Variants in DYRK1A observed in about 807,000 individuals in gnomAD.
DYRK1A encodes dual specificity tyrosine-phosphorylation-regulated kinase 1A.
Under a neutral mutation model 79.7 loss-of-function variants are expected in DYRK1A, and 9 were observed. The observed-to-expected ratio is 0.11, with a 90% CI of 0.07 to 0.20. DYRK1A has a LOEUF of 0.20. Among genes scored for constraint, DYRK1A ranks in the 10% least tolerant of loss-of-function variants. The pLI, the probability that DYRK1A is intolerant of heterozygous loss-of-function variation, is 1.00. For synonymous variants in DYRK1A, 349 were observed against 329.7 expected, an observed-to-expected ratio of 1.06 and a Z score of -0.63; for missense variants, 622 against 956.0, an observed-to-expected ratio of 0.65 and a Z score of 4.61.
intron 3 of DYRK1A, 22 bp downstream of exon 3, chr21:37,472,902 A>G: frequency 6.8e-7 from 1 of 1,478,346 alleles, no homozygotes; most frequent in Non-Finnish European, 9.1e-7. Flanking sequence ...GAGTATCAGA[A>G]ATGACTATTG....
chr21:37,391,812 C>G (rs149614903), intron 1 of DYRK1A, among the ~76,000 whole-genome samples: 1,647 of 152,330 alleles, frequency 0.011, 28 homozygotes, highest in African/African-American at 0.036. Flanking sequence ...GTGTTAGGCT[C>G]CTCTTCAGCT....
rs982187796 is a variant in DYRK1A, at chr21:37,512,798, CAG to C, written c.*268_*269del. 9.3e-6 allele frequency: 4 copies of C among 428,750 alleles called. No homozygotes were observed. The highest frequency in any genetic ancestry group is 1.7e-5 in the Non-Finnish European group (4 of 242,136). The allele number at this position is 428,750 out of a possible 1,614,324, so 26.6% of individuals were successfully genotyped here. On this transcript the variant is annotated 3_prime_UTR_variant, in exon 12 of 12. Coordinates refer to ENST00000647188, the MANE Select transcript of DYRK1A (RefSeq NM_001347721.2). ...ATTTTAACTTGCCACATCCCAGTCA[CAG>C]TGGGGTTTTTTTGTCTTTCTATTCA...
intron 1 of DYRK1A, among the ~76,000 whole-genome samples, chr21:37,391,284 G>T (rs549348350): frequency 1.3e-5 from 2 of 152,210 alleles, no homozygotes; most frequent in Non-Finnish European, 2.9e-5. Flanking sequence ...CCTCTTTCCA[G>T]GTTTGGGGAT....
At chr21:37,421,338 A>G (rs1426697395) in intron 2 of DYRK1A, among the ~76,000 whole-genome samples, 1 of 152,070 alleles carries the variant, frequency 6.6e-6, no homozygotes, top group African/African-American at 2.4e-5. Flanking sequence ...GGTTTTGTCT[A>G]GGGGAAAAAT....
chr21:37,451,843 A>T (rs1047348054), intron 2 of DYRK1A, among the ~76,000 whole-genome samples: 1 of 152,202 alleles, frequency 6.6e-6, no homozygotes, highest in African/African-American at 2.4e-5. Flanking sequence ...AGATTCTGAG[A>T]ACGTTTCTTA....
chr21:37,462,915 T>G (rs1340573626), intron 2 of DYRK1A, among the ~76,000 whole-genome samples: 2 of 152,212 alleles, frequency 1.3e-5, no homozygotes, highest in Non-Finnish European at 2.9e-5. Flanking sequence ...GTTCTTTAGT[T>G]GTTTATGATG....
chr21:37,395,796 CTG>C (rs1191320616), intron 1 of DYRK1A, among the ~76,000 whole-genome samples: 6 of 152,256 alleles, frequency 3.9e-5, no homozygotes, highest in South Asian at 2.1e-4. Flanking sequence ...AACATTTACT[CTG>C]TGAAATTTTG....
chr21:37,388,099 GA>G (rs2049796605), intron 1 of DYRK1A, among the ~76,000 whole-genome samples: 1 of 109,032 alleles, frequency 9.2e-6, no homozygotes, highest in Non-Finnish European at 1.9e-5. Flanking sequence ...TCTTCCCTTT[GA>G]TTTTTTTTTT....
chr21:37,433,044 A>AATAT (rs1555964567), intron 2 of DYRK1A, among the ~76,000 whole-genome samples: 54 of 140,518 alleles, frequency 3.8e-4, no homozygotes, highest in Middle Eastern at 3.7e-3. Context: ...AGGAATTCTA[A>AATAT]ATATATATAT....
At chr21:37,443,042 T>C (rs1356485613) in intron 2 of DYRK1A, among the ~76,000 whole-genome samples, 1 of 152,160 alleles carries the variant, frequency 6.6e-6, no homozygotes, top group South Asian at 2.1e-4. Context: ...CTCTTGGTGT[T>C]GCCCAGGCTG....
chr21:37,412,919 T>C (rs182548749), intron 1 of DYRK1A, among the ~76,000 whole-genome samples: 1 of 152,234 alleles, frequency 6.6e-6, no homozygotes, highest in Admixed American at 6.5e-5. Context: ...GTTTGAAGTA[T>C]TAGTTTGGAG....
chr21:37,469,540 G>T (rs542136735), intron 2 of DYRK1A, among the ~76,000 whole-genome samples: 1 of 152,166 alleles, frequency 6.6e-6, no homozygotes, highest in Non-Finnish European at 1.5e-5. Flanking sequence ...TTGGCTCATG[G>T]TTCTTTCTTC....
intron 1 of DYRK1A, among the ~76,000 whole-genome samples, chr21:37,395,003 T>C (rs2049935409): frequency 6.6e-6 from 1 of 152,214 alleles, no homozygotes; most frequent in African/African-American, 2.4e-5. Context: ...AAGAGAGGGA[T>C]CTCAGATTCC....
chr21:37,445,266 A>G (rs2051230315), intron 2 of DYRK1A, among the ~76,000 whole-genome samples: 1 of 152,238 alleles, frequency 6.6e-6, no homozygotes, highest in Non-Finnish European at 1.5e-5. Flanking sequence ...AAGCAGAATA[A>G]TTCAACAAAA....
chr21:37,500,190 A>G (rs1028846448), intron 9 of DYRK1A, among the ~76,000 whole-genome samples: 1 of 152,134 alleles, frequency 6.6e-6, no homozygotes, highest in Admixed American at 6.5e-5. Flanking sequence ...TGCTTTTTTA[A>G]TATCATGAGT....
In DYRK1A at chr21:37,506,133, C is replaced by T. The variant is rs1335824926; in HGVS notation, c.1554C>T (p.Ala518=). ...CGGGGACAAGCAACAGTGGGAGAGC[C>T]CGGTCGGATCCGACGCACCAGCATC... ...GSSGTSNSGR[A]RSDPTHQHRH... The change falls in exon 11 of 12, where the codon GCC becomes GCT. Residue 518 remains alanine (A), a synonymous_variant. Coordinates refer to ENST00000647188, the MANE Select transcript of DYRK1A (RefSeq NM_001347721.2). 1.9e-6 allele frequency: 3 copies of T among 1,613,718 alleles called. No individual in the cohort carries two copies. The highest frequency in any genetic ancestry group is 2.5e-6 in the Non-Finnish European group (3 of 1,179,672).
chr21:37,496,811 T>A (rs1202560257), intron 9 of DYRK1A, among the ~76,000 whole-genome samples: 1 of 152,216 alleles, frequency 6.6e-6, no homozygotes, highest in Non-Finnish European at 1.5e-5. Flanking sequence ...ATCTCCAAAA[T>A]CTTTTAAAGT....
chr21:37,456,573 C>T (rs1179087140), intron 2 of DYRK1A, among the ~76,000 whole-genome samples: 1 of 152,084 alleles, frequency 6.6e-6, no homozygotes, highest in East Asian at 1.9e-4. Context: ...ATCAGTTTAT[C>T]TTTATTCACT....
At chr21:37,414,126 T>G (rs1027306605) in intron 1 of DYRK1A, among the ~76,000 whole-genome samples, 3 of 152,016 alleles carry the variant, frequency 2.0e-5, no homozygotes, top group Non-Finnish European at 4.4e-5. Context: ...TTTTGGGTGG[T>G]GGAATTTTAT....
Sources: allele counts gnomAD v4.1 joint callset (sites outside exome capture counted in the v4.1 genomes callset), GRCh38; gene constraint gnomAD v4.1.1; transcripts MANE v1.5; gene names NCBI Gene and HGNC (gene_info 2026-07-23, HGNC 2026-07-21).